Variants in ERC2 observed in about 807,000 individuals in gnomAD.
ERC2 encodes ELKS/RAB6-interacting/CAST family member 2.
In ERC2, 42 loss-of-function variants were observed where a neutral mutation model predicts 114.8. The ratio of observed to expected loss-of-function variants is 0.37; its 90% confidence interval spans 0.29 to 0.47. ERC2 has a LOEUF of 0.47. ERC2 is among the 20% of genes least tolerant of loss of function. ERC2 has a pLI of 0.99. For missense variants in ERC2, 939 were observed against 1,150.7 expected, an observed-to-expected ratio of 0.82 and a Z score of 2.66; for synonymous variants, 454 against 425.5, an observed-to-expected ratio of 1.07 and a Z score of -0.82.
chr3:55,929,714 C>T (rs541349074), intron 13 of ERC2, among the ~76,000 whole-genome samples: 21 of 152,304 alleles, frequency 1.4e-4, no homozygotes, highest in African/African-American at 3.1e-4. Flanking sequence ...ATCATGGGAA[C>T]GGACTTCCCC....
At chr3:55,566,282 C>T (rs1009756459) in intron 17 of ERC2, among the ~76,000 whole-genome samples, 2 of 152,200 alleles carry the variant, frequency 1.3e-5, no homozygotes, top group Non-Finnish European at 2.9e-5. Flanking sequence ...AATGTTTTTA[C>T]ACACGTACTA....
intron 2 of ERC2, among the ~76,000 whole-genome samples, chr3:56,394,168 G>T (rs950544138): frequency 5.9e-5 from 9 of 152,198 alleles, no homozygotes; most frequent in Admixed American, 3.3e-4. Flanking sequence ...AAACTATCAT[G>T]TTGTGAGAAA....
At chr3:55,729,322 T>C (rs1171943167) in intron 15 of ERC2, among the ~76,000 whole-genome samples, 1 of 152,088 alleles carries the variant, frequency 6.6e-6, no homozygotes, top group Middle Eastern at 3.2e-3. Flanking sequence ...ATCCTTCCCC[T>C]AGACATCTAA....
intron 3 of ERC2, among the ~76,000 whole-genome samples, chr3:56,223,262 C>T (rs1237766345): frequency 2.0e-5 from 3 of 152,154 alleles, no homozygotes; most frequent in Non-Finnish European, 4.4e-5. Flanking sequence ...TATGAATGAT[C>T]CCACTGGAGG....
intron 17 of ERC2, among the ~76,000 whole-genome samples, chr3:55,583,379 C>T (rs1227716407): frequency 7.1e-6 from 1 of 141,792 alleles, no homozygotes; most frequent in Non-Finnish European, 1.5e-5. Flanking sequence ...GCCTTCTTTC[C>T]TTCTTTCTTT....
At chr3:55,689,677 G>T (rs1576149790) in intron 16 of ERC2, among the ~76,000 whole-genome samples, 2 of 151,676 alleles carry the variant, frequency 1.3e-5, no homozygotes, top group South Asian at 4.2e-4. Context: ...GCTTAAAAAA[G>T]AAAATGAGGG....
At chr3:56,143,403 G>A (rs1232276483) in intron 5 of ERC2, among the ~76,000 whole-genome samples, 1 of 152,186 alleles carries the variant, frequency 6.6e-6, no homozygotes, top group Non-Finnish European at 1.5e-5. Flanking sequence ...CATGTCATGG[G>A]AGGGACCCAG....
chr3:55,759,817 CACTTAA>C (rs1345382164), intron 14 of ERC2, among the ~76,000 whole-genome samples: 1 of 152,150 alleles, frequency 6.6e-6, no homozygotes, highest in African/African-American at 2.4e-5. Flanking sequence ...AAGAGCAGGG[CACTTAA>C]ACTTACATGA....
intron 17 of ERC2, among the ~76,000 whole-genome samples, chr3:55,522,053 T>C (rs1436202570): frequency 6.6e-6 from 1 of 152,242 alleles, no homozygotes; most frequent in African/African-American, 2.4e-5. Context: ...TTAAACTATT[T>C]ATTTCTTGGC....
chr3:56,214,022 A>G (rs566126700), intron 3 of ERC2, among the ~76,000 whole-genome samples: 1 of 152,294 alleles, frequency 6.6e-6, no homozygotes, highest in South Asian at 2.1e-4. Context: ...ATCATCAAAG[A>G]CCAAAGGTAG....
chr3:55,934,732 G>A (rs192559821), intron 13 of ERC2, among the ~76,000 whole-genome samples: 2 of 152,222 alleles, frequency 1.3e-5, no homozygotes, highest in African/African-American at 4.8e-5. Flanking sequence ...GGCCTTTAAG[G>A]AATCAACATC....
At chr3:55,831,646 G>A (rs1396579753) in intron 14 of ERC2, among the ~76,000 whole-genome samples, 1 of 152,130 alleles carries the variant, frequency 6.6e-6, no homozygotes, top group Middle Eastern at 3.2e-3. Context: ...GGCCGAATAG[G>A]AACAACTCCG....
chr3:56,172,050 C>G lies in ERC2; in HGVS notation c.1149+1396G>C, dbSNP rs184275459. On this transcript the variant is annotated intron_variant, in intron 4 of 17. Coordinates refer to ENST00000288221, the MANE Select transcript of ERC2 (RefSeq NM_015576.3). The stretch of plus-strand genomic sequence containing the variant: ...TTTTCCTCTTTTTTTTTTTTTAAAG[C>G]CTTAACCAAGTATCAGGTTTGATTC... 1.2e-4 allele frequency among the ~76,000 whole-genome samples: 18 copies of G among 147,972 alleles called. No individual in the cohort carries two copies. The East Asian group carries it at 3.3e-3, about 27-fold the overall frequency.
intron 10 of ERC2, among the ~76,000 whole-genome samples, chr3:55,994,628 C>T (rs1320111519): frequency 1.0e-5 from 1 of 97,332 alleles, no homozygotes; most frequent in African/African-American, 4.1e-5. Flanking sequence ...TTTTCATTGA[C>T]AAGATACTAC....
At chr3:56,336,394 A>G (rs2057849394) in intron 2 of ERC2, among the ~76,000 whole-genome samples, 1 of 152,184 alleles carries the variant, frequency 6.6e-6, no homozygotes, top group South Asian at 2.1e-4. Flanking sequence ...TGCTGGGAAG[A>G]CATTCGAGCA....
chr3:55,756,933 A>AG (rs972862709), intron 14 of ERC2, among the ~76,000 whole-genome samples: 9 of 152,210 alleles, frequency 5.9e-5, no homozygotes, highest in African/African-American at 1.9e-4. Context: ...AGAAAAAAAA[A>AG]GTATACCCAA....
chr3:56,348,327 A>G (rs995293799), intron 2 of ERC2, among the ~76,000 whole-genome samples: 1 of 142,022 alleles, frequency 7.0e-6, no homozygotes, highest in African/African-American at 2.6e-5. Context: ...GAATTCTGGA[A>G]TTCCAACACC....
intron 17 of ERC2, among the ~76,000 whole-genome samples, chr3:55,544,334 G>A (rs1415202761): frequency 6.6e-6 from 1 of 152,100 alleles, no homozygotes; most frequent in Non-Finnish European, 1.5e-5. Flanking sequence ...TGGGCTACTG[G>A]GTTTATTAGG....
At chr3:55,633,047 C>T (rs76841282) in intron 17 of ERC2, among the ~76,000 whole-genome samples, 4,826 of 152,284 alleles carry the variant, frequency 0.032, 129 homozygotes, top group Non-Finnish European at 0.043. Flanking sequence ...CCTATTATCT[C>T]CTAGGCATAG....
Sources: gnomAD v4.1 joint callset for allele counts (sites outside exome capture counted in the v4.1 genomes callset) on GRCh38, gnomAD v4.1.1 for gene constraint, MANE v1.5 for transcripts, NCBI Gene and HGNC (gene_info 2026-07-23, HGNC 2026-07-21) for gene names.